IGSF11: variants seen among roughly 807,000 people sequenced by gnomAD.
The protein encoded by IGSF11 is CXADR like 1.
In IGSF11, 22 loss-of-function variants were observed where a neutral mutation model predicts 41.0. The observed-to-expected ratio is 0.54, with a 90% CI of 0.38 to 0.77. The LOEUF is 0.77. IGSF11 is among the 30% of genes least tolerant of loss of function. The pLI is 0.00. For synonymous variants in IGSF11, 219 were observed against 201.3 expected, an observed-to-expected ratio of 1.09 and a Z score of -0.74; for missense variants, 444 against 530.8, an observed-to-expected ratio of 0.84 and a Z score of 1.61.
At chr3:118,975,876 G>A (rs1293714111) in intron 1 of IGSF11, among the ~76,000 whole-genome samples, 1 of 152,118 alleles carries the variant, frequency 6.6e-6, no homozygotes, top group Non-Finnish European at 1.5e-5. Flanking sequence ...GGGGGGCAGG[G>A]GGAGGAAGTC....
At chr3:119,047,183 T>C (rs1372328989) in intron 1 of IGSF11, among the ~76,000 whole-genome samples, 3 of 150,574 alleles carry the variant, frequency 2.0e-5, no homozygotes, top group Non-Finnish European at 4.4e-5. Context: ...AATGCTCCAA[T>C]TAAAAGACAC....
intron 1 of IGSF11, among the ~76,000 whole-genome samples, chr3:119,011,093 A>G (rs919242548): frequency 2.6e-5 from 4 of 152,194 alleles, no homozygotes; most frequent in Admixed American, 2.0e-4. Context: ...TGGACAACAT[A>G]TGAAAAACAA....
At chr3:118,914,068 T>G (rs893562069) in intron 4 of IGSF11, among the ~76,000 whole-genome samples, 2 of 152,142 alleles carry the variant, frequency 1.3e-5, no homozygotes, top group South Asian at 4.1e-4. Context: ...TTTTTTTTAC[T>G]TCTAGACTAC....
chr3:118,956,210 C>T (rs538603406), intron 1 of IGSF11, among the ~76,000 whole-genome samples: 35 of 152,246 alleles, frequency 2.3e-4, no homozygotes, highest in Admixed American at 1.1e-3. Flanking sequence ...ATGTTGTGGC[C>T]GGTTTTATCT....
intron 1 of IGSF11, among the ~76,000 whole-genome samples, chr3:119,002,250 T>G (rs1936975434): frequency 7.0e-6 from 1 of 142,598 alleles, no homozygotes; most frequent in Non-Finnish European, 1.5e-5. Flanking sequence ...TCATGTGTTT[T>G]TTGGCTGCAT....
At chr3:118,951,964 GACATACC>G in intron 1 of IGSF11, among the ~76,000 whole-genome samples, 1 of 152,056 alleles carries the variant, frequency 6.6e-6, no homozygotes, top group East Asian at 1.9e-4. Context: ...TATACATACA[GACATACC>G]TCAGAGATAT....
At chr3:119,058,699 C>T (rs1269957337) in intron 1 of IGSF11, among the ~76,000 whole-genome samples, 5 of 152,130 alleles carry the variant, frequency 3.3e-5, no homozygotes, top group Admixed American at 3.3e-4. Flanking sequence ...GCACTATTCA[C>T]AATAGCAAAG....
intron 1 of IGSF11, among the ~76,000 whole-genome samples, chr3:119,120,031 G>A (rs2077311178): frequency 6.6e-6 from 1 of 152,152 alleles, no homozygotes; most frequent in Non-Finnish European, 1.5e-5. Flanking sequence ...GCCAAGGAAA[G>A]ACCTGGCAAA....
intron 4 of IGSF11, among the ~76,000 whole-genome samples, chr3:118,910,020 C>T (rs758761407): frequency 3.9e-5 from 6 of 152,148 alleles, no homozygotes; most frequent in Non-Finnish European, 8.8e-5. Flanking sequence ...AGGCCATGAC[C>T]ACACACTTAT....
chr3:118,926,145 T>C lies in IGSF11; in HGVS notation c.536A>G (p.Glu179Gly), dbSNP rs1349417182. Residue 179 changes from glutamate to glycine, a missense_variant, in exon 4 of 7, where the codon GAG becomes GGG. Physicochemically the swap from Glu to Gly is moderately conservative, Grantham distance 98. Transcript: ENST00000393775. ...EGIPRPTYLW[E>G]KLDNTLKLPP... ...TAGTTTGAGGGTATTGTCTAACTTCTCCCAAAGGTAAGTTGGTCGAGGAAT... is the reference window on the plus strand; with the variant it reads ...TAGTTTGAGGGTATTGTCTAACTTCCCCCAAAGGTAAGTTGGTCGAGGAAT... 6.2e-7 allele frequency: 1 copy of C among 1,612,058 alleles called. No individual in the cohort carries two copies. The highest frequency in any genetic ancestry group is 2.2e-5 in the East Asian group (1 of 44,820).
At chr3:118,930,488 TAGA>T (rs1415563731) in intron 1 of IGSF11, among the ~76,000 whole-genome samples, 1 of 152,210 alleles carries the variant, frequency 6.6e-6, no homozygotes, top group African/African-American at 2.4e-5. Flanking sequence ...AGAAAAATAT[TAGA>T]AGCTCTTTAC....
intron 1 of IGSF11, among the ~76,000 whole-genome samples, chr3:118,980,143 T>C (rs570827553): frequency 6.6e-6 from 1 of 152,206 alleles, no homozygotes; most frequent in East Asian, 1.9e-4. Context: ...CAAACAGAAC[T>C]ACCATACAAT....
upstream of IGSF11, among the ~76,000 whole-genome samples, chr3:119,039,744 T>A (rs1233661710): frequency 6.6e-6 from 1 of 152,130 alleles, no homozygotes; most frequent in Non-Finnish European, 1.5e-5. Flanking sequence ...TCAGGACCAC[T>A]AAAATTGTTC....
At chr3:119,108,955 G>GA (rs2077088668), upstream of IGSF11, among the ~76,000 whole-genome samples, 1 of 127,826 alleles carries the variant, frequency 7.8e-6, no homozygotes, top group Non-Finnish European at 1.7e-5. Context: ...GATCATGGTG[G>GA]ATAAGCTTTT....
At chr3:119,058,928 A>T (rs1319289987) in intron 1 of IGSF11, among the ~76,000 whole-genome samples, 1 of 152,062 alleles carries the variant, frequency 6.6e-6, no homozygotes, top group Non-Finnish European at 1.5e-5. Flanking sequence ...GAACAATGAG[A>T]ACACATGGAC....
chr3:119,130,100 C>T (rs139229117), intron 1 of IGSF11, among the ~76,000 whole-genome samples: 15 of 152,022 alleles, frequency 9.9e-5, no homozygotes, highest in East Asian at 5.8e-4. Context: ...CCAAGATGGC[C>T]GAATAGGAAC....
intron 1 of IGSF11, among the ~76,000 whole-genome samples, chr3:119,084,592 A>T (rs1007370219): frequency 2.0e-5 from 3 of 152,206 alleles, no homozygotes; most frequent in Non-Finnish European, 4.4e-5. Context: ...CCAGGAAGAA[A>T]GCAAGGCTTT....
chr3:119,049,734 C>T (rs1941534971), intron 1 of IGSF11, among the ~76,000 whole-genome samples: 1 of 152,064 alleles, frequency 6.6e-6, no homozygotes, highest in African/African-American at 2.4e-5. Context: ...CATCACACTA[C>T]CTGAATTCAA....
At chr3:119,126,855 A>T (rs1462927382) in intron 1 of IGSF11, among the ~76,000 whole-genome samples, 2 of 152,156 alleles carry the variant, frequency 1.3e-5, no homozygotes, top group East Asian at 3.9e-4. Context: ...ACAAAAAGGC[A>T]TCTACAAAAA....
Sources: gnomAD v4.1 joint callset for allele counts (sites outside exome capture counted in the v4.1 genomes callset) on GRCh38, gnomAD v4.1.1 for gene constraint, MANE v1.5 for transcripts, NCBI Gene and HGNC (gene_info 2026-07-23, HGNC 2026-07-21) for gene names.